PLCG2: variants seen among roughly 807,000 people sequenced by gnomAD.
PLCG2 encodes the protein 1-phosphatidylinositol 4,5-bisphosphate phosphodiesterase gamma-2.
In PLCG2, 69 loss-of-function variants were observed where a neutral mutation model predicts 175.6. The observed-to-expected ratio is 0.39, with a 90% confidence interval of 0.32 to 0.48. The LOEUF (loss-of-function observed/expected upper bound fraction) is 0.48, where lower values mean the gene tolerates loss of function less well. Ranked by LOEUF, PLCG2 falls within the 20% of genes least tolerant of loss-of-function variation. The pLI, the probability that PLCG2 is intolerant of heterozygous loss-of-function variation, is 0.91. For synonymous variants in PLCG2, 827 were observed against 624.0 expected (o/e 1.33, Z -4.85); for missense variants, 1,798 against 1,650.9 (o/e 1.09, Z -1.54).
intron 31 of PLCG2, among the ~76,000 whole-genome samples, chr16:81,951,008 G>C (rs528770736): frequency 6.6e-6 from 1 of 151,616 alleles, no homozygotes; most frequent in Non-Finnish European, 1.5e-5. Flanking sequence ...TTTGTTTTGA[G>C]ACAGTGTTTT....
chr16:81,857,913 A>C (rs755214353), intron 3 of PLCG2: 1 of 223,960 alleles, frequency 4.5e-6, no homozygotes, highest in Non-Finnish European at 9.1e-6. Flanking sequence ...AAAAACACTT[A>C]GAACAATGTC....
intron 8 of PLCG2, among the ~76,000 whole-genome samples, chr16:81,881,709 A>T (rs765983787): frequency 1.3e-5 from 2 of 152,138 alleles, no homozygotes; most frequent in Non-Finnish European, 2.9e-5. Context: ...CACTGGCGCA[A>T]TCTTGGCTCA....
chr16:81,905,206 T>A (rs1159481109), intron 14 of PLCG2, among the ~76,000 whole-genome samples, 197 bp from the exon 15 acceptor site: 1 of 152,162 alleles, frequency 6.6e-6, no homozygotes, highest in South Asian at 2.1e-4. Context: ...AATTTTTAGA[T>A]GAAGCTGTAA....
chr16:81,886,918 AC>A (rs536172674), intron 9 of PLCG2, among the ~76,000 whole-genome samples: 74 of 152,198 alleles, frequency 4.9e-4, no homozygotes, highest in African/African-American at 1.7e-3. Flanking sequence ...AATACCCTAC[AC>A]CAAGTGGATG....
intron 14 of PLCG2, among the ~76,000 whole-genome samples, chr16:81,902,316 G>T (rs1463404181): frequency 6.6e-6 from 1 of 152,160 alleles, no homozygotes; most frequent in Non-Finnish European, 1.5e-5. Flanking sequence ...ACCCTAAGCT[G>T]GGTGGGTTAT....
At chr16:81,797,437 G>A (rs1260583200) in intron 2 of PLCG2, among the ~76,000 whole-genome samples, 1 of 152,214 alleles carries the variant, frequency 6.6e-6, no homozygotes, top group Non-Finnish European at 1.5e-5. Context: ...AAATCCTGGG[G>A]TTGACTTTTC....
chr16:81,748,800 C>T (rs1241766828), intron 1 of PLCG2, among the ~76,000 whole-genome samples: 1 of 152,198 alleles, frequency 6.6e-6, no homozygotes, highest in African/African-American at 2.4e-5. Context: ...CACATCTTAT[C>T]CTCATTACAA....
chr16:81,852,964 A>G (rs955940976), intron 2 of PLCG2, among the ~76,000 whole-genome samples: 1 of 152,176 alleles, frequency 6.6e-6, no homozygotes, highest in East Asian at 1.9e-4. Flanking sequence ...GGTGGTCTCC[A>G]GGTAGTCTGA....
chr16:81,919,735 TC>T, intron 20 of PLCG2, 71 bp downstream of exon 20: 1 of 1,307,022 alleles, frequency 7.7e-7, no homozygotes, highest in South Asian at 1.3e-5. Context: ...GTTCATGAAT[TC>T]AGCAAACCTC....
intron 2 of PLCG2, among the ~76,000 whole-genome samples, chr16:81,808,809 G>T (rs777417836): frequency 6.6e-6 from 1 of 152,128 alleles, no homozygotes; most frequent in Non-Finnish European, 1.5e-5. Flanking sequence ...GTGCAATCTT[G>T]AGCAAGCTCC....
At chr16:81,802,299 A>C (rs1911764456) in intron 2 of PLCG2, among the ~76,000 whole-genome samples, 1 of 148,852 alleles carries the variant, frequency 6.7e-6, no homozygotes. Context: ...TTTTTAGTAG[A>C]GATGGGGTTT....
At position 81,928,724 on chromosome 16, in the gene PLCG2, G is replaced by C. The variant is rs1910381457; in HGVS notation, c.2581+100G>C. 1.2e-5 allele frequency: 9 copies of C among 780,314 alleles called. No homozygotes were observed. In the Admixed American group the frequency reaches 1.7e-4, roughly 15 times the overall value. 48.3% of individuals were successfully genotyped at this position (780,314 alleles called of 1,614,324 possible). ...AGGGAGGTGGCTGACACAGGGTCCT[G>C]TCTTGAATGCCAGCTCCTTCCCTGG... On this transcript the variant is annotated intron_variant, in intron 24 of 32. Coordinates refer to ENST00000564138, the MANE Select transcript of PLCG2 (RefSeq NM_002661.5).
At chr16:81,898,769 A>G (rs1909008180) in intron 13 of PLCG2, 1 of 152,180 alleles carries the variant, frequency 6.6e-6, no homozygotes, top group African/African-American at 2.4e-5. Context: ...TTATTTAAAG[A>G]TAGTTTCCTG....
intron 1 of PLCG2, among the ~76,000 whole-genome samples, chr16:81,741,404 T>G (rs1329609613): frequency 6.6e-6 from 1 of 152,248 alleles, no homozygotes; most frequent in African/African-American, 2.4e-5. Context: ...ATATGGCTTA[T>G]TACTTGCAGG....
At chr16:81,896,408 AC>A (rs1908891393) in intron 13 of PLCG2, among the ~76,000 whole-genome samples, 2 of 114,718 alleles carry the variant, frequency 1.7e-5, no homozygotes, top group East Asian at 2.5e-4. Context: ...ACACACACAC[AC>A]ACACACACAC....
At chr16:81,943,003 C>T (rs1340482163) in intron 30 of PLCG2, among the ~76,000 whole-genome samples, 4 of 151,942 alleles carry the variant, frequency 2.6e-5, no homozygotes, top group Admixed American at 2.6e-4. Flanking sequence ...GAGCTGGAGA[C>T]AGCTGGTCAT....
chr16:81,882,593 T>G (rs1378782529), intron 8 of PLCG2, among the ~76,000 whole-genome samples: 1 of 152,098 alleles, frequency 6.6e-6, no homozygotes, highest in Non-Finnish European at 1.5e-5. Context: ...CCCCACACCT[T>G]TTGCTCTGCA....
rs370429726 is a variant in PLCG2, at chr16:81,908,453, G to C, written c.1595G>C (p.Trp532Ser). Reference sequence around the variant, plus strand: ...ACAGAACTACATTTTGGGGAGAAATGGTTCCACAAGAAGGTGGAGAAGAGG... The same window carrying C: ...ACAGAACTACATTTTGGGGAGAAATCGTTCCACAAGAAGGTGGAGAAGAGG... ...PPTELHFGEK[W>S]FHKKVEKRTS... Residue 532 changes from tryptophan to serine, a missense_variant, in exon 17 of 33, where the codon TGG becomes TCG. Coordinates refer to ENST00000564138, the MANE Select transcript of PLCG2 (RefSeq NM_002661.5). The C allele has an allele frequency of 6.2e-7, 1 of 1,614,004 alleles. No individual in the cohort carries two copies. Among genetic ancestry groups the C allele is most frequent in the Non-Finnish European group, 8.5e-7 (1 of 1,180,006 alleles).
At chr16:81,820,701 G>A (rs1406973232) in intron 2 of PLCG2, among the ~76,000 whole-genome samples, 1 of 152,096 alleles carries the variant, frequency 6.6e-6, no homozygotes. Context: ...GCCCACTGCA[G>A]CTTCCGCCTC....
Sources: gnomAD v4.1 joint callset for allele counts (sites outside exome capture counted in the v4.1 genomes callset) on GRCh38, gnomAD v4.1.1 for gene constraint, MANE v1.5 for transcripts, NCBI Gene and HGNC (gene_info 2026-07-23, HGNC 2026-07-21) for gene names.